The following PDE11A variants were observed in gnomAD, a reference collection of about 807,000 sequenced individuals.
PDE11A encodes dual 3',5'-cyclic-AMP and -GMP phosphodiesterase 11A.
PDE11A carries 100 observed loss-of-function variants against 100.5 expected under a neutral mutation model. That is an observed-to-expected ratio of 1.00 (90% CI 0.85 to 1.18). PDE11A has a LOEUF of 1.18. Among genes scored for constraint, PDE11A ranks in the 50% most tolerant of loss-of-function variants. The pLI, the probability that PDE11A is intolerant of heterozygous loss-of-function variation, is 0.00. For synonymous variants in PDE11A, 381 were observed against 420.8 expected, an observed-to-expected ratio of 0.91 and a Z score of 1.16; for missense variants, 1,141 against 1,152.6, an observed-to-expected ratio of 0.99 and a Z score of 0.15.
At chr2:178,104,868 C>T (rs2087600228) in intron 1 of PDE11A, among the ~76,000 whole-genome samples, 1 of 152,106 alleles carries the variant, frequency 6.6e-6, no homozygotes, top group Admixed American at 6.5e-5. Flanking sequence ...TCTAATTTTG[C>T]AACCCCTTAT....
In PDE11A at chr2:177,680,928, G is replaced by GA; in HGVS notation, c.2346-26dup. The GA allele has an allele frequency of 3.8e-6, 5 of 1,329,558 alleles. No individual in the cohort carries two copies. The Admixed American group carries it at 5.5e-5, about 15-fold the overall frequency. 82.4% of individuals were successfully genotyped at this position (1,329,558 alleles called of 1,614,324 possible). ...CCTGCAGGAAAATCAAATGAAGAAAGAAAGAAAAAAAAAACTGGAATGAGA... is the reference window on the plus strand; with the variant it reads ...CCTGCAGGAAAATCAAATGAAGAAAGAAAAGAAAAAAAAAACTGGAATGAGA... On this transcript the variant is annotated intron_variant, in intron 15 of 19. Transcript: ENST00000286063.
chr2:177,766,598 T>G (rs78035017), intron 10 of PDE11A, among the ~76,000 whole-genome samples: 2,916 of 152,362 alleles, frequency 0.019, 41 homozygotes, highest in South Asian at 0.034. Flanking sequence ...TTAGCTACAA[T>G]GTTAGAAAAC....
chr2:177,788,524 G>A (rs1211188951), intron 9 of PDE11A, among the ~76,000 whole-genome samples: 1 of 151,338 alleles, frequency 6.6e-6, no homozygotes, highest in Non-Finnish European at 1.5e-5. Flanking sequence ...CAGAAGGCAA[G>A]AAATAACTAA....
intron 2 of PDE11A, chr2:178,092,962 T>A (rs1306249183): frequency 6.6e-6 from 1 of 152,258 alleles, no homozygotes; most frequent in Non-Finnish European, 1.5e-5. Context: ...CCCCATACAA[T>A]ACCTACAAAG....
At chr2:177,815,402 T>C (rs1008868418) in intron 9 of PDE11A, among the ~76,000 whole-genome samples, 6 of 152,222 alleles carry the variant, frequency 3.9e-5, no homozygotes, top group African/African-American at 1.4e-4. Flanking sequence ...ATGATTCTTA[T>C]CAGTTGGTTG....
At chr2:178,057,655 G>A (rs1341071179) in intron 1 of PDE11A, among the ~76,000 whole-genome samples, 1 of 152,082 alleles carries the variant, frequency 6.6e-6, no homozygotes, top group Admixed American at 6.6e-5. Flanking sequence ...TTTCTCTCCT[G>A]CTCCATCCTT....
At chr2:177,987,064 T>C (rs2085948820) in intron 2 of PDE11A, among the ~76,000 whole-genome samples, 1 of 152,170 alleles carries the variant, frequency 6.6e-6, no homozygotes, top group Admixed American at 6.5e-5. Flanking sequence ...GATTAACCAA[T>C]TGATATCTAC....
chr2:177,663,807 TAC>T, intron 19 of PDE11A, 57 bp downstream of exon 19: 2 of 960,626 alleles, frequency 2.1e-6, no homozygotes, highest in Admixed American at 3.4e-5. Context: ...TTTTGAGAAA[TAC>T]ACACTTTTCC....
At chr2:177,791,940 G>A (rs140523191) in intron 9 of PDE11A, among the ~76,000 whole-genome samples, 1 of 152,138 alleles carries the variant, frequency 6.6e-6, no homozygotes, top group African/African-American at 2.4e-5. Flanking sequence ...CGTTGCATGT[G>A]ATAATGAGTC....
intron 10 of PDE11A, among the ~76,000 whole-genome samples, chr2:177,740,790 A>G (rs932242631): frequency 2.6e-5 from 4 of 152,212 alleles, no homozygotes; most frequent in Admixed American, 1.3e-4. Flanking sequence ...TCTGTCTCTC[A>G]TCATTCATAA....
chr2:177,827,199 T>C (rs780544863), intron 6 of PDE11A, among the ~76,000 whole-genome samples: 7 of 152,176 alleles, frequency 4.6e-5, no homozygotes, highest in Admixed American at 6.5e-5. Context: ...TTGTCTATAA[T>C]AGGCTTTAAA....
chr2:177,925,072 T>A (rs1307339549), intron 2 of PDE11A, among the ~76,000 whole-genome samples: 2 of 150,700 alleles, frequency 1.3e-5, no homozygotes, highest in Non-Finnish European at 3.0e-5. Context: ...TCATTTTTTA[T>A]GGCTGCATAG....
chr2:178,090,922 C>A (rs2087414759), intron 2 of PDE11A, among the ~76,000 whole-genome samples: 1 of 152,216 alleles, frequency 6.6e-6, no homozygotes. Flanking sequence ...GGAGCGCATT[C>A]TCCCCGACTT....
intron 6 of PDE11A, among the ~76,000 whole-genome samples, chr2:177,829,639 A>G (rs1226003773): frequency 1.4e-5 from 2 of 146,690 alleles, no homozygotes; most frequent in Admixed American, 6.8e-5. Flanking sequence ...TTTTTAGTAG[A>G]GACAGGGTTT....
intron 10 of PDE11A, among the ~76,000 whole-genome samples, chr2:177,741,677 T>C (rs1010744229): frequency 6.6e-6 from 1 of 152,174 alleles, no homozygotes; most frequent in South Asian, 2.1e-4. Flanking sequence ...CCATATTCAC[T>C]CTTGGAAAGA....
chr2:177,656,975 T>G (rs1559129023), intron 19 of PDE11A, among the ~76,000 whole-genome samples: 2 of 152,170 alleles, frequency 1.3e-5, no homozygotes, highest in African/African-American at 4.8e-5. Context: ...GGTTTCCGAA[T>G]GCTATACCGA....
chr2:177,641,675 G>A (rs1399364131), intron 19 of PDE11A, among the ~76,000 whole-genome samples: 4 of 152,192 alleles, frequency 2.6e-5, no homozygotes, highest in Non-Finnish European at 5.9e-5. Context: ...GCTTCCAGCA[G>A]TTTTTAAAAC....
intron 6 of PDE11A, among the ~76,000 whole-genome samples, chr2:177,821,652 A>T (rs953409293): frequency 1.3e-5 from 2 of 151,876 alleles, no homozygotes; most frequent in African/African-American, 4.8e-5. Context: ...TTTAAAAAAA[A>T]ATTTTGACAA....
At chr2:177,817,714 T>C (rs1558953201) in intron 8 of PDE11A, 144 bp downstream of exon 8, 12 of 620,854 alleles carry the variant, frequency 1.9e-5, no homozygotes, top group Non-Finnish European at 3.2e-5. Context: ...AGCATTTACA[T>C]ATTCCTTAAA....
Sources: gnomAD v4.1 joint callset for allele counts (sites outside exome capture counted in the v4.1 genomes callset) on GRCh38, gnomAD v4.1.1 for gene constraint, MANE v1.5 for transcripts, NCBI Gene and HGNC (gene_info 2026-07-23, HGNC 2026-07-21) for gene names.